Variants in NCOA7 observed in about 807,000 individuals in gnomAD.
NCOA7 encodes nuclear receptor coactivator 7, also known as 140 kDa estrogen receptor-associated protein.
A neutral mutation model predicts 104.3 loss-of-function variants in NCOA7; 45 were observed. The ratio of observed to expected loss-of-function variants is 0.43; its 90% CI spans 0.34 to 0.55. The LOEUF (loss-of-function observed/expected upper bound fraction) is 0.55, where lower values mean the gene tolerates loss of function less well. NCOA7 is among the 20% of genes least tolerant of loss of function. The pLI is 0.02. For synonymous variants in NCOA7, 398 were observed against 402.3 expected, an observed-to-expected ratio of 0.99 and a Z score of 0.13; for missense variants, 1,041 against 1,119.7, an observed-to-expected ratio of 0.93 and a Z score of 1.00.
intron 2 of NCOA7, among the ~76,000 whole-genome samples, chr6:125,841,346 G>T (rs1780154371): frequency 6.6e-6 from 1 of 152,052 alleles, no homozygotes; most frequent in Non-Finnish European, 1.5e-5. Context: ...TTCTATGTGG[G>T]TTTGTAGTAA....
At chr6:125,873,842 A>G (rs1006079869) in intron 3 of NCOA7, among the ~76,000 whole-genome samples, 1 of 152,208 alleles carries the variant, frequency 6.6e-6, no homozygotes, top group African/African-American at 2.4e-5. Flanking sequence ...CATTTTTCTG[A>G]TCACATACAG....
intron 10 of NCOA7, among the ~76,000 whole-genome samples, chr6:125,894,619 C>T (rs1784864596): frequency 1.3e-5 from 2 of 152,182 alleles, no homozygotes; most frequent in South Asian, 4.1e-4. Context: ...CATTCATCAT[C>T]ACAGACAAGG....
upstream of NCOA7, among the ~76,000 whole-genome samples, chr6:125,790,603 T>C (rs1774734549): frequency 9.3e-6 from 1 of 107,732 alleles, no homozygotes; most frequent in Admixed American, 9.3e-5. Flanking sequence ...GCAACTGCAG[T>C]CCGAGCGGCA....
chr6:125,874,416 G>A (rs988659070), intron 3 of NCOA7, among the ~76,000 whole-genome samples: 1 of 152,166 alleles, frequency 6.6e-6, no homozygotes, highest in African/African-American at 2.4e-5. Context: ...AAATAGTATT[G>A]CAGTGACCAT....
intron 3 of NCOA7, among the ~76,000 whole-genome samples, chr6:125,861,416 G>A (rs9491520): frequency 0.024 from 3,626 of 152,180 alleles, 147 homozygotes; most frequent in African/African-American, 0.08. Context: ...AACAGGTCAA[G>A]CCACAAATGT....
chr6:125,840,867 G>GTTTTTTT (rs1305583308), intron 2 of NCOA7, among the ~76,000 whole-genome samples: 15 of 50,676 alleles, frequency 3.0e-4, no homozygotes, highest in Non-Finnish European at 5.7e-4. Flanking sequence ...TTGTTTGGTT[G>GTTTTTTT]GTTTTTTTTT....
intron 3 of NCOA7, among the ~76,000 whole-genome samples, chr6:125,859,601 TTAA>T (rs1345583681): frequency 6.6e-6 from 1 of 152,192 alleles, no homozygotes; most frequent in Admixed American, 6.5e-5. Context: ...ATTTTTAATA[TTAA>T]TAATCAGAAA....
At chr6:125,801,255 T>G (rs1436542636) in intron 1 of NCOA7, among the ~76,000 whole-genome samples, 1 of 152,170 alleles carries the variant, frequency 6.6e-6, no homozygotes, top group Non-Finnish European at 1.5e-5. Flanking sequence ...CCAAATAAGC[T>G]GTGCTTGAAT....
intron 2 of NCOA7, among the ~76,000 whole-genome samples, chr6:125,839,293 T>A (rs1779905061): frequency 6.6e-6 from 1 of 152,102 alleles, no homozygotes; most frequent in Admixed American, 6.5e-5. Context: ...AATTTTTGTA[T>A]TTTTAGTAGA....
At chr6:125,875,225 T>A (rs922680303) in intron 4 of NCOA7, 1 of 354,018 alleles carries the variant, frequency 2.8e-6, no homozygotes, top group Non-Finnish European at 5.4e-6. Context: ...CAGCATTGTT[T>A]AGGCTGATCT....
intron 4 of NCOA7, 55 bp from the exon 5 acceptor site, chr6:125,878,208 C>A: frequency 8.5e-7 from 1 of 1,177,666 alleles, no homozygotes; most frequent in East Asian, 2.7e-5. Context: ...TAGTATCTAT[C>A]AAAAGTAATT....
Position 125,882,411 on chromosome 6 carries a change from T to A in NCOA7, c.574-15T>A, listed in dbSNP as rs1318422294. On this transcript the variant is annotated splice_polypyrimidine_tract_variant and intron_variant, in intron 6 of 15. Coordinates refer to ENST00000392477, the MANE Select transcript of NCOA7 (RefSeq NM_181782.5). ...AGTGCTTTTATTTGATTTTGAAATT[T>A]TTTGCTTTCACAAGGATGCTGACTT... 1 of 1,608,724 alleles carries A rather than the reference T, an allele frequency of 6.2e-7. No homozygotes were observed. Among genetic ancestry groups the A allele is most frequent in the Non-Finnish European group, 8.5e-7 (1 of 1,178,728 alleles).
At chr6:125,789,284 G>A (rs960286538), upstream of NCOA7, among the ~76,000 whole-genome samples, 2 of 152,178 alleles carry the variant, frequency 1.3e-5, no homozygotes, top group Admixed American at 1.3e-4. Context: ...CTGGACAAGC[G>A]CAGTGCAGCT....
At chr6:125,903,385 G>C (rs571873813) in intron 10 of NCOA7, among the ~76,000 whole-genome samples, 1 of 152,210 alleles carries the variant, frequency 6.6e-6, no homozygotes, top group African/African-American at 2.4e-5. Flanking sequence ...TTTATTTCTA[G>C]TTGATCCTGT....
intron 10 of NCOA7, among the ~76,000 whole-genome samples, chr6:125,912,904 CAG>C (rs1465331378): frequency 2.0e-5 from 3 of 152,104 alleles, no homozygotes; most frequent in African/African-American, 7.2e-5. Context: ...TTGGGGTAGA[CAG>C]GGATGTAAGA....
chr6:125,799,140 T>C (rs571758223), intron 1 of NCOA7, among the ~76,000 whole-genome samples: 7 of 152,244 alleles, frequency 4.6e-5, no homozygotes, highest in African/African-American at 1.4e-4. Context: ...CTACATTTCA[T>C]GCACTCAGCC....
At position 125,889,502 on chromosome 6, in the gene NCOA7, A is replaced by T; in HGVS notation, c.1448A>T (p.Asp483Val). The change falls in exon 9 of 16, where the codon GAT (aspartate) becomes GTT (valine). Residue 483 changes from aspartate to valine, a missense_variant. By Grantham distance (152) the Asp-to-Val change is radical. This residue lies in a region of NCOA7 where 914 missense variants were observed against 942.7 expected (regional missense o/e 0.97). Coordinates refer to ENST00000392477, the MANE Select transcript of NCOA7 (RefSeq NM_181782.5). ...GATGTTGAACTGAAGGGGGCGCTAG[A>T]TTTAGAAACCTGTGAGAAGCAAGAT... The part of the protein sequence containing the change: ...ENDVELKGAL[D>V]LETCEKQDIM... 2 of 1,614,130 alleles carry T rather than the reference A, an allele frequency of 1.2e-6. No homozygotes were observed. Among genetic ancestry groups the T allele is most frequent in the South Asian group, 1.1e-5 (1 of 91,084 alleles).
chr6:125,868,305 T>G (rs1204585096), intron 3 of NCOA7, among the ~76,000 whole-genome samples: 1 of 152,248 alleles, frequency 6.6e-6, no homozygotes, highest in Non-Finnish European at 1.5e-5. Flanking sequence ...GGTTTATAAT[T>G]GTTTTAACAT....
chr6:125,787,472 A>T (rs1183529857), upstream of NCOA7, among the ~76,000 whole-genome samples: 1 of 152,220 alleles, frequency 6.6e-6, no homozygotes, highest in Non-Finnish European at 1.5e-5. Context: ...CCACAGGCTC[A>T]GCGAAACAAA....
Sources: allele counts gnomAD v4.1 joint callset (sites outside exome capture counted in the v4.1 genomes callset), GRCh38; gene constraint gnomAD v4.1.1; regional missense constraint gnomAD v4.1.1; transcripts MANE v1.5; gene names NCBI Gene and HGNC (gene_info 2026-07-23, HGNC 2026-07-21).